The following ADAM23 variants were observed in gnomAD, a reference collection of about 807,000 sequenced individuals.
ADAM23 encodes the protein ADAM metallopeptidase domain 23, also known as disintegrin and metalloproteinase domain-containing protein 23.
Under a neutral mutation model 120.1 loss-of-function variants are expected in ADAM23, and 33 were observed. That is an observed-to-expected ratio of 0.27 (90% CI 0.21 to 0.37). The LOEUF (loss-of-function observed/expected upper bound fraction) is 0.37, where lower values mean the gene tolerates loss of function less well. ADAM23 is among the 10% of genes least tolerant of loss of function. The pLI is 1.00. For missense variants in ADAM23, 862 were observed against 1,058.2 expected (o/e 0.81, Z 2.57); for synonymous variants, 367 against 375.2 (o/e 0.98, Z 0.25).
intron 7 of ADAM23, 132 bp downstream of exon 7, chr2:206,547,633 C>CTCATTCCAGTGCTGA: frequency 3.0e-6 from 2 of 671,758 alleles, no homozygotes; most frequent in Non-Finnish European, 4.9e-6. Flanking sequence ...TGGATCAGCA[C>CTCATTCCAGTGCTGA]TGGAATGAGT....
chr2:206,511,716 C>G (rs1696627316), intron 3 of ADAM23, among the ~76,000 whole-genome samples: 1 of 152,186 alleles, frequency 6.6e-6, no homozygotes, highest in South Asian at 2.1e-4. Context: ...GCTTAGACTT[C>G]TCAGTATTTA....
intron 3 of ADAM23, among the ~76,000 whole-genome samples, chr2:206,509,558 C>T (rs765306037): frequency 3.8e-4 from 58 of 152,250 alleles, no homozygotes; most frequent in Admixed American, 9.8e-4. Context: ...TAGCGATTCT[C>T]CTGCCTCAGC....
chr2:206,481,091 A>G, intron 2 of ADAM23, 141 bp from the exon 3 acceptor site: 1 of 533,184 alleles, frequency 1.9e-6, no homozygotes, highest in Non-Finnish European at 3.2e-6. Context: ...AGTCTCCTAA[A>G]GAAATGAATT....
intron 4 of ADAM23, among the ~76,000 whole-genome samples, chr2:206,540,315 A>G (rs921436956): frequency 1.3e-5 from 2 of 151,272 alleles, no homozygotes; most frequent in African/African-American, 4.9e-5. Context: ...GACTTTTTTC[A>G]ACCAAACACA....
At chr2:206,570,963 G>T in intron 16 of ADAM23, 152 bp downstream of exon 16, 1 of 639,836 alleles carries the variant, frequency 1.6e-6, no homozygotes, top group Non-Finnish European at 2.8e-6. Context: ...AGACCTGTTG[G>T]AATCAGTCAT....
At chr2:206,573,945 G>A (rs769938497) in intron 18 of ADAM23, among the ~76,000 whole-genome samples, 21 of 151,984 alleles carry the variant, frequency 1.4e-4, no homozygotes, top group Non-Finnish European at 2.9e-4. Context: ...CATTAACAGA[G>A]TTTTTGCTTA....
chr2:206,481,458 G>T (rs1179270845), intron 3 of ADAM23, 150 bp downstream of exon 3: 2 of 510,842 alleles, frequency 3.9e-6, no homozygotes, highest in Admixed American at 8.5e-5. Flanking sequence ...TCTGAATGGT[G>T]AATTATATAT....
chr2:206,577,585 C>G (rs1698139627), intron 18 of ADAM23, among the ~76,000 whole-genome samples: 1 of 141,110 alleles, frequency 7.1e-6, no homozygotes, highest in Non-Finnish European at 1.5e-5. Context: ...CTACAAAGGA[C>G]ATGAACTCAT....
chr2:206,536,742 G>A (rs955270757), intron 4 of ADAM23, among the ~76,000 whole-genome samples: 4 of 151,920 alleles, frequency 2.6e-5, no homozygotes, highest in Admixed American at 1.3e-4. Flanking sequence ...GTCTCACTCT[G>A]TTGTTCAGGC....
chr2:206,607,308 T>C (rs529621766), intron 24 of ADAM23: 1 of 152,358 alleles, frequency 6.6e-6, no homozygotes, highest in East Asian at 1.9e-4. Flanking sequence ...AAATTTCCCC[T>C]TGGATCTGTT....
chr2:206,472,342 G>T (rs926299787), intron 2 of ADAM23, among the ~76,000 whole-genome samples: 2 of 152,134 alleles, frequency 1.3e-5, no homozygotes, highest in African/African-American at 4.8e-5. Context: ...GGGCGAAGTG[G>T]CTCATGCCTG....
intron 6 of ADAM23, 115 bp downstream of exon 6, chr2:206,543,431 T>C (rs1310556226): frequency 1.2e-5 from 10 of 867,424 alleles, no homozygotes; most frequent in South Asian, 1.6e-5. Context: ...TGTTAACTTA[T>C]TTCAAACTTA....
chr2:206,601,934 ATAT>A (rs1559285108), intron 24 of ADAM23, among the ~76,000 whole-genome samples: 1 of 152,184 alleles, frequency 6.6e-6, no homozygotes, highest in Admixed American at 6.5e-5. Context: ...AGGAAGTATT[ATAT>A]TATTATCATT....
At position 206,499,525 on chromosome 2, in the gene ADAM23, A is replaced by C. The variant is rs1000075001; in HGVS notation, c.509+18217A>C. On this transcript the variant is annotated intron_variant, in intron 3 of 25. Coordinates refer to ENST00000264377, the MANE Select transcript of ADAM23 (RefSeq NM_003812.4). ...GGGGGAGGGGGGATAGCATTAGGAG[A>C]TATACCTAATGCTAAATGACGAGTT... 1.1e-4 allele frequency among the ~76,000 whole-genome samples: 16 copies of C among 151,132 alleles called. No homozygotes were observed. In the East Asian group the frequency reaches 1.8e-3, roughly 17 times the overall value.
intron 24 of ADAM23, among the ~76,000 whole-genome samples, chr2:206,608,665 C>G (rs553914784): frequency 6.6e-6 from 1 of 151,922 alleles, no homozygotes; most frequent in South Asian, 2.1e-4. Context: ...AGCCCAGGAG[C>G]CTAAAGAGAC....
At chr2:206,482,687 G>A (rs1346596629) in intron 3 of ADAM23, among the ~76,000 whole-genome samples, 1 of 152,144 alleles carries the variant, frequency 6.6e-6, no homozygotes, top group Non-Finnish European at 1.5e-5. Flanking sequence ...CCTGACTTGA[G>A]GAATTTAGAG....
At position 206,546,057 on chromosome 2, in the gene ADAM23, G is replaced by T. The variant is rs552609146; in HGVS notation, c.721-1372G>T. ...TAAGGATTTATAAATATAAACTATTGTTATAATGTTTAAAGCATTGGTTTT... is the reference window on the plus strand; with the variant it reads ...TAAGGATTTATAAATATAAACTATTTTTATAATGTTTAAAGCATTGGTTTT... On this transcript the variant is annotated intron_variant, in intron 6 of 25. Transcript: ENST00000264377. Among the ~76,000 whole-genome samples, 73 of 152,232 alleles carry T rather than the reference G, an allele frequency of 4.8e-4. 1 individual carries two copies. Among genetic ancestry groups the T allele is most frequent in the Non-Finnish European group, 4.4e-5 (3 of 67,984 alleles).
At chr2:206,601,307 A>G (rs1288520649) in intron 24 of ADAM23, among the ~76,000 whole-genome samples, 1 of 152,238 alleles carries the variant, frequency 6.6e-6, no homozygotes, top group Non-Finnish European at 1.5e-5. Flanking sequence ...ATCAAATCAG[A>G]AATGAAAAGG....
In ADAM23 at chr2:206,477,893, A is replaced by ATTATATATAT. The variant is rs1199167461; in HGVS notation, c.433-3339_433-3338insTTATATATAT. ...CCAATATTCTGTTAAAAAAAAAAAA[A>ATTATATATAT]AAAAATATATATATATATATATATA... On this transcript the variant is annotated intron_variant, in intron 2 of 25. Coordinates refer to ENST00000264377, the MANE Select transcript of ADAM23 (RefSeq NM_003812.4). Among the ~76,000 whole-genome samples, 7 of 101,472 alleles carry ATTATATATAT rather than the reference A, an allele frequency of 6.9e-5. No homozygotes were observed. The Admixed American group carries it at 7.6e-4, about 11-fold the overall frequency. 66.6% of individuals were successfully genotyped at this position (101,472 alleles called of 152,430 possible).
Sources: allele counts gnomAD v4.1 joint callset (sites outside exome capture counted in the v4.1 genomes callset), GRCh38; gene constraint gnomAD v4.1.1; transcripts MANE v1.5; gene names NCBI Gene and HGNC (gene_info 2026-07-23, HGNC 2026-07-21).